CAMKMT: variants seen among roughly 807,000 people sequenced by gnomAD.
CAMKMT encodes calmodulin-lysine N-methyltransferase.
Under a neutral mutation model 48.0 loss-of-function variants are expected in CAMKMT, and 53 were observed. The ratio of observed to expected loss-of-function variants is 1.10; its 90% CI spans 0.89 to 1.39. The LOEUF is 1.39. Among genes scored for constraint, CAMKMT ranks in the 40% most tolerant of loss-of-function variants. CAMKMT has a pLI of 0.00. For synonymous variants in CAMKMT, 165 were observed against 152.3 expected, an observed-to-expected ratio of 1.08 and a Z score of -0.61; for missense variants, 428 against 402.7, an observed-to-expected ratio of 1.06 and a Z score of -0.54.
chr2:44,751,954 G>A (rs1223461230), intron 8 of CAMKMT, among the ~76,000 whole-genome samples: 2 of 152,064 alleles, frequency 1.3e-5, no homozygotes, highest in African/African-American at 4.8e-5. Context: ...CAGATCTCAC[G>A]TGAGCTCATT....
intron 3 of CAMKMT, chr2:44,676,567 TG>T (rs1675701236): frequency 6.6e-6 from 1 of 152,328 alleles, no homozygotes; most frequent in South Asian, 2.1e-4. Context: ...TCTTGTCAGT[TG>T]GGTCTCCCTA....
chr2:44,592,410 A>T (rs1308499635), intron 3 of CAMKMT, among the ~76,000 whole-genome samples: 2 of 152,102 alleles, frequency 1.3e-5, no homozygotes, highest in African/African-American at 4.8e-5. Context: ...TACCATCTAT[A>T]GAATCTATAG....
At chr2:44,646,057 A>T (rs1022911795) in intron 3 of CAMKMT, among the ~76,000 whole-genome samples, 1 of 152,352 alleles carries the variant, frequency 6.6e-6, no homozygotes, top group South Asian at 2.1e-4. Context: ...ACTTTAAAAA[A>T]ATTGAGAACT....
rs1485734685 is a variant in CAMKMT, at chr2:44,733,826, A to G, written c.624-9796A>G. Among the ~76,000 whole-genome samples, 3 of 152,174 alleles carry G rather than the reference A, an allele frequency of 2.0e-5. No individual in the cohort carries two copies. The East Asian group carries it at 5.8e-4, about 29-fold the overall frequency. ...ATGATGCATTGCCATATGTATGTTC[A>G]TATGTATATTATGGACAACTTTGGA... On this transcript the variant is annotated intron_variant, in intron 7 of 10. Transcript: ENST00000378494.
intron 3 of CAMKMT, among the ~76,000 whole-genome samples, chr2:44,694,530 T>C (rs578174909): frequency 8.5e-5 from 13 of 152,302 alleles, no homozygotes; most frequent in Admixed American, 4.6e-4. Flanking sequence ...GCCACTGCAC[T>C]CCAGCCTGGC....
intron 3 of CAMKMT, among the ~76,000 whole-genome samples, chr2:44,413,118 A>G (rs1349013410): frequency 6.6e-6 from 1 of 151,996 alleles, no homozygotes; most frequent in East Asian, 1.9e-4. Flanking sequence ...AAATAAATAA[A>G]TAATAAACTA....
rs1448469567 is a variant in CAMKMT at position 44,362,130 on chromosome 2, G to A, written c.123G>A (p.Trp41Ter). 6.8e-6 allele frequency: 10 copies of A among 1,478,156 alleles called. No homozygotes were observed. The highest frequency in any genetic ancestry group is 8.9e-6 in the Non-Finnish European group (10 of 1,125,648). The allele number at this position is 1,478,156 out of a possible 1,614,324, so 91.6% of individuals were successfully genotyped here. A position where few individuals can be genotyped will look rare whatever the true frequency, so the allele number is the denominator to read the frequency against. Residue 41 changes from tryptophan (W) to a stop codon, truncating the protein, a stop_gained, in exon 1 of 11, where the codon TGG (tryptophan) becomes TGA (stop). Transcript: ENST00000378494. LOFTEE classifies it high-confidence loss of function. ...VVSAPLGAAR[W>*]KLLRQVLKQK... is the part of the protein sequence containing the mutation. Reference sequence around the variant, plus strand: ...CGGCGCCCCTGGGAGCCGCCCGGTGGAAGCTCCTGCGGCAGGTAAGGGAGA... The same window carrying A: ...CGGCGCCCCTGGGAGCCGCCCGGTGAAAGCTCCTGCGGCAGGTAAGGGAGA...
intron 3 of CAMKMT, among the ~76,000 whole-genome samples, chr2:44,395,274 A>G (rs1681725160): frequency 6.6e-6 from 1 of 152,198 alleles, no homozygotes. Flanking sequence ...GTATGTGTAT[A>G]TGTATATGTA....
intron 3 of CAMKMT, among the ~76,000 whole-genome samples, chr2:44,503,075 C>CA (rs1158485664): frequency 1.3e-5 from 2 of 151,810 alleles, no homozygotes; most frequent in East Asian, 1.9e-4. Context: ...TTTTTCTTAC[C>CA]AAAAAATGCA....
At chr2:44,748,509 GTAAC>G (rs983471359) in intron 8 of CAMKMT, among the ~76,000 whole-genome samples, 5 of 152,120 alleles carry the variant, frequency 3.3e-5, no homozygotes, top group African/African-American at 9.7e-5. Flanking sequence ...GTAGGCCTGG[GTAAC>G]TGACAGAGAT....
intron 3 of CAMKMT, among the ~76,000 whole-genome samples, chr2:44,646,305 G>GT (rs35669452): frequency 0.63 from 95,456 of 151,578 alleles, 30,592 homozygotes; most frequent in Middle Eastern, 0.7. Context: ...TAGAAATCTT[G>GT]TTTGTTTTTG....
chr2:44,382,670 A>C (rs1085491), intron 2 of CAMKMT, among the ~76,000 whole-genome samples: 1 of 151,560 alleles, frequency 6.6e-6, no homozygotes, highest in Non-Finnish European at 1.5e-5. Flanking sequence ...TAGTAGATAC[A>C]GGGTTTCACT....
intron 3 of CAMKMT, among the ~76,000 whole-genome samples, chr2:44,597,749 C>A (rs1670745734): frequency 6.6e-6 from 1 of 151,738 alleles, no homozygotes; most frequent in Non-Finnish European, 1.5e-5. Context: ...GTTTGTTTGT[C>A]TGTTTTGAGA....
At chr2:44,448,291 T>A (rs771968972) in intron 3 of CAMKMT, among the ~76,000 whole-genome samples, 10 of 152,216 alleles carry the variant, frequency 6.6e-5, no homozygotes, top group Non-Finnish European at 1.5e-4. Flanking sequence ...AAAATCCACA[T>A]ATAAGTGTAT....
At chr2:44,679,738 T>C (rs1365176800) in intron 3 of CAMKMT, among the ~76,000 whole-genome samples, 2 of 152,228 alleles carry the variant, frequency 1.3e-5, no homozygotes, top group Middle Eastern at 3.2e-3. Flanking sequence ...AGTACCAATT[T>C]AGCAATACCT....
intron 3 of CAMKMT, among the ~76,000 whole-genome samples, chr2:44,512,051 T>C (rs1466489100): frequency 6.6e-6 from 1 of 152,172 alleles, no homozygotes; most frequent in Non-Finnish European, 1.5e-5. Context: ...GAGTGCACAG[T>C]GAAATTGTTC....
chr2:44,586,122 T>C (rs1271125440), intron 3 of CAMKMT, among the ~76,000 whole-genome samples: 2 of 152,144 alleles, frequency 1.3e-5, no homozygotes, highest in African/African-American at 4.8e-5. Flanking sequence ...GCCTATTCTG[T>C]TTGGAAACAG....
intron 2 of CAMKMT, among the ~76,000 whole-genome samples, chr2:44,379,927 T>C (rs1453689802): frequency 6.6e-6 from 1 of 152,156 alleles, no homozygotes; most frequent in African/African-American, 2.4e-5. Flanking sequence ...CCTGTGCATT[T>C]TCTTTTAACT....
intron 3 of CAMKMT, among the ~76,000 whole-genome samples, chr2:44,503,447 A>G (rs1323831021): frequency 6.6e-6 from 1 of 152,182 alleles, no homozygotes; most frequent in Non-Finnish European, 1.5e-5. Context: ...AAGTTCTAAG[A>G]TATGTGAAAA....
Sources: gnomAD v4.1 joint callset for allele counts (sites outside exome capture counted in the v4.1 genomes callset) on GRCh38, gnomAD v4.1.1 for gene constraint, MANE v1.5 for transcripts, NCBI Gene and HGNC (gene_info 2026-07-23, HGNC 2026-07-21) for gene names.